RBFOX1: variants seen among roughly 807,000 people sequenced by gnomAD.
The protein encoded by RBFOX1 is RNA binding fox-1 homolog 1, also known as RNA binding protein fox-1 homolog 1.
In RBFOX1, 8 loss-of-function variants were observed where a neutral mutation model predicts 57.7. The observed-to-expected ratio is 0.14, with a 90% CI of 0.08 to 0.25. RBFOX1 has a LOEUF of 0.25. RBFOX1 is among the 10% of genes least tolerant of loss of function. RBFOX1 has a pLI of 1.00. For missense variants in RBFOX1, 611 were observed against 548.5 expected (o/e 1.11, Z -1.14); for synonymous variants, 326 against 222.4 (o/e 1.47, Z -4.15).
At chr16:5,736,748 C>G (rs1218494285) in intron 3 of RBFOX1, among the ~76,000 whole-genome samples, 1 of 151,724 alleles carries the variant, frequency 6.6e-6, no homozygotes, top group Non-Finnish European at 1.5e-5. Context: ...CTGTGTGTGT[C>G]TGTCTCTTTG....
chr16:7,067,620 G>T (rs146605176), intron 4 of RBFOX1, among the ~76,000 whole-genome samples: 4,253 of 151,466 alleles, frequency 0.028, 214 homozygotes, highest in African/African-American at 0.098. Context: ...GTGCCATGTT[G>T]GTGTGGTGCA....
At chr16:5,315,980 C>T (rs1480724657) in intron 1 of RBFOX1, among the ~76,000 whole-genome samples, 1 of 152,132 alleles carries the variant, frequency 6.6e-6, no homozygotes, top group East Asian at 1.9e-4. Flanking sequence ...CCTGTGGTCT[C>T]AAGTTCCACC....
chr16:5,962,672 G>A (rs1357892997), intron 4 of RBFOX1, among the ~76,000 whole-genome samples: 4 of 152,102 alleles, frequency 2.6e-5, no homozygotes, highest in South Asian at 2.1e-4. Context: ...CTAACAGATC[G>A]TAGAAGGTGA....
At chr16:6,296,156 C>T (rs139974660) in intron 1 of RBFOX1, among the ~76,000 whole-genome samples, 3 of 152,294 alleles carry the variant, frequency 2.0e-5, no homozygotes, top group South Asian at 2.1e-4. Context: ...TCCCTCACTT[C>T]GCAGAGAGAC....
At chr16:7,054,137 C>T (rs1029434596) in intron 4 of RBFOX1, among the ~76,000 whole-genome samples, 1 of 135,546 alleles carries the variant, frequency 7.4e-6, no homozygotes, top group Non-Finnish European at 1.5e-5. Flanking sequence ...CCCTCTTTTC[C>T]TTTCACACCT....
At chr16:6,613,739 C>G (rs774351965) in intron 2 of RBFOX1, among the ~76,000 whole-genome samples, 1 of 152,174 alleles carries the variant, frequency 6.6e-6, no homozygotes, top group Non-Finnish European at 1.5e-5. Context: ...GCGTTTGAGA[C>G]CGGCCTGGCC....
At chr16:6,899,559 T>G (rs947918442) in intron 3 of RBFOX1, among the ~76,000 whole-genome samples, 1 of 152,176 alleles carries the variant, frequency 6.6e-6, no homozygotes, top group African/African-American at 2.4e-5. Flanking sequence ...AGATTACAAC[T>G]CCATCTCTCA....
At chr16:6,259,874 T>C (rs1439270908) in intron 1 of RBFOX1, among the ~76,000 whole-genome samples, 1 of 151,556 alleles carries the variant, frequency 6.6e-6, no homozygotes, top group Non-Finnish European at 1.5e-5. Flanking sequence ...GGCAGGAGAA[T>C]TGCTTGAACC....
At chr16:6,876,011 C>G (rs1296728794) in intron 3 of RBFOX1, among the ~76,000 whole-genome samples, 2 of 151,280 alleles carry the variant, frequency 1.3e-5, no homozygotes, top group African/African-American at 4.9e-5. Context: ...AATAATAATT[C>G]CATTTAAAAA....
At chr16:6,162,873 A>G (rs924389099) in intron 1 of RBFOX1, among the ~76,000 whole-genome samples, 1 of 152,094 alleles carries the variant, frequency 6.6e-6, no homozygotes, top group African/African-American at 2.4e-5. Flanking sequence ...AGCTGGGACT[A>G]CAGGCGTGCA....
intron 3 of RBFOX1, among the ~76,000 whole-genome samples, chr16:6,904,376 G>C (rs1017525133): frequency 3.3e-5 from 5 of 151,946 alleles, no homozygotes; most frequent in Non-Finnish European, 5.9e-5. Context: ...CCAGGTGGGA[G>C]GATAAGTTGA....
intron 3 of RBFOX1, among the ~76,000 whole-genome samples, chr16:6,655,248 C>CGT (rs1555657312): frequency 6.6e-6 from 1 of 151,124 alleles, no homozygotes; most frequent in Non-Finnish European, 1.5e-5. Context: ...GTGGCACATG[C>CGT]CTGTAATCCC....
intron 2 of RBFOX1, among the ~76,000 whole-genome samples, chr16:6,470,920 A>G (rs959465274): frequency 3.3e-5 from 5 of 152,180 alleles, no homozygotes; most frequent in African/African-American, 1.2e-4. Flanking sequence ...GTCTTTGTGC[A>G]AACCCTCATC....
chr16:6,465,884 T>TTGTGTGTGTGTG (rs111917166), intron 2 of RBFOX1, among the ~76,000 whole-genome samples: 94 of 146,330 alleles, frequency 6.4e-4, no homozygotes, highest in Middle Eastern at 3.7e-3. Context: ...ATTTGTGTGT[T>TTGTGTGTGTGTG]TGTGTGTGTG....
In RBFOX1 at chr16:6,009,366, G is replaced by C. The variant is rs146764087; in HGVS notation, c.351+142031G>C. 1.6e-3 allele frequency among the ~76,000 whole-genome samples: 251 copies of C among 152,250 alleles called. 1 individual carries two copies. Among genetic ancestry groups the C allele is most frequent in the African/African-American group, 5.7e-3 (237 of 41,540 alleles). ...GATACAAAGAAGCACGTTCCACAGG[G>C]CTTGACTGCCTCCAGTTGCCAGTCT... On this transcript the variant is annotated intron_variant, in intron 4 of 19. Transcript: ENST00000641259.
At chr16:7,216,340 C>T (rs759362688) in intron 4 of RBFOX1, among the ~76,000 whole-genome samples, 16 of 151,938 alleles carry the variant, frequency 1.1e-4, no homozygotes, top group African/African-American at 1.7e-4. Flanking sequence ...TTTTTTCTTC[C>T]GTAAAATGGG....
rs372228233 is a variant in RBFOX1 at position 6,922,899 on chromosome 16, G to A, written c.-15-129158G>A. On this transcript the variant is annotated intron_variant, in intron 3 of 15. Coordinates refer to ENST00000550418, the MANE Select transcript of RBFOX1 (RefSeq NM_018723.4). The stretch of plus-strand genomic sequence containing the variant: ...ACCTTGGGAAGTCTTAAACAAGGGG[G>A]TCTATATGTCTGTATTTCCTTTTGG... Among the ~76,000 whole-genome samples, 78 of 152,228 alleles carry A rather than the reference G, an allele frequency of 5.1e-4. 1 individual carries two copies. In the South Asian group the frequency reaches 0.015, roughly 30 times the overall value.
At chr16:6,341,304 G>A (rs2152827334) in intron 2 of RBFOX1, among the ~76,000 whole-genome samples, 1 of 152,206 alleles carries the variant, frequency 6.6e-6, no homozygotes, top group East Asian at 1.9e-4. Context: ...GACAATGGCA[G>A]GTTGAGTCTC....
intron 1 of RBFOX1, among the ~76,000 whole-genome samples, chr16:5,285,460 C>G (rs992701512): frequency 4.6e-5 from 7 of 151,962 alleles, no homozygotes; most frequent in African/African-American, 1.4e-4. Flanking sequence ...CATAGATTTT[C>G]TTTTTATTGG....
Sources: allele counts gnomAD v4.1 joint callset (sites outside exome capture counted in the v4.1 genomes callset), GRCh38; gene constraint gnomAD v4.1.1; transcripts MANE v1.5; gene names NCBI Gene and HGNC (gene_info 2026-07-23, HGNC 2026-07-21).